Variants in PLXDC2 observed in about 807,000 individuals in gnomAD.
The protein encoded by PLXDC2 is plexin domain containing 2.
In PLXDC2, 40 loss-of-function variants were observed where a neutral mutation model predicts 68.9. The ratio of observed to expected loss-of-function variants is 0.58; its 90% confidence interval spans 0.45 to 0.76. PLXDC2 has a LOEUF of 0.76. Ranked by LOEUF, PLXDC2 falls within the 30% of genes least tolerant of loss-of-function variation. PLXDC2 has a pLI of 0.00. For missense variants in PLXDC2, 644 were observed against 661.9 expected (o/e 0.97, Z 0.30); for synonymous variants, 243 against 234.2 (o/e 1.04, Z -0.34).
intron 3 of PLXDC2, among the ~76,000 whole-genome samples, chr10:20,047,296 G>A (rs1233428176): frequency 6.6e-6 from 1 of 152,056 alleles, no homozygotes; most frequent in African/African-American, 2.4e-5. Context: ...ATTCTAAATT[G>A]AGCTTTATCT....
chr10:20,103,109 G>T (rs1480408975), intron 4 of PLXDC2, among the ~76,000 whole-genome samples: 1 of 152,144 alleles, frequency 6.6e-6, no homozygotes, highest in African/African-American at 2.4e-5. Flanking sequence ...CAGAAATCTC[G>T]CCATCAGGGT....
chr10:19,989,823 C>G (rs780425880), intron 1 of PLXDC2, among the ~76,000 whole-genome samples: 3 of 148,342 alleles, frequency 2.0e-5, no homozygotes, highest in South Asian at 2.1e-4. Context: ...GATCTTGACT[C>G]ACTGCAACCT....
intron 2 of PLXDC2, among the ~76,000 whole-genome samples, chr10:20,012,439 T>G (rs560306398): frequency 2.7e-4 from 40 of 148,832 alleles, no homozygotes; most frequent in African/African-American, 9.6e-4. Context: ...TGACTCAGCC[T>G]CCTGAGGAGC....
At chr10:20,210,016 C>T (rs1047817565) in intron 9 of PLXDC2, among the ~76,000 whole-genome samples, 7 of 152,100 alleles carry the variant, frequency 4.6e-5, no homozygotes, top group African/African-American at 1.4e-4. Flanking sequence ...TCCCTCTGTT[C>T]AGGGTCCCTG....
At position 20,001,429 on chromosome 10, in the gene PLXDC2, A is replaced by G. The variant is rs114677738; in HGVS notation, c.113-346A>G. ...GGTTTCATCCTTTTGTTTGGATTCTAGCTTGCTTTCTCAGAACAGCTAGAG... is the reference window on the plus strand; with the variant it reads ...GGTTTCATCCTTTTGTTTGGATTCTGGCTTGCTTTCTCAGAACAGCTAGAG... On this transcript the variant is annotated intron_variant, in intron 1 of 13. Transcript: ENST00000377252. Among the ~76,000 whole-genome samples the G allele has an allele frequency of 6.3e-3, 957 of 152,286 alleles. 10 individuals are homozygous for G. The highest frequency in any genetic ancestry group is 0.022 in the African/African-American group (915 of 41,558).
intron 1 of PLXDC2, among the ~76,000 whole-genome samples, chr10:19,960,859 A>G (rs2131602472): frequency 6.6e-6 from 1 of 152,384 alleles, no homozygotes; most frequent in Middle Eastern, 3.4e-3. Flanking sequence ...TGGCATACAA[A>G]TCATCAGTGT....
intron 2 of PLXDC2, among the ~76,000 whole-genome samples, chr10:20,004,926 G>A (rs1835002321): frequency 6.6e-6 from 1 of 152,176 alleles, no homozygotes; most frequent in Admixed American, 6.5e-5. Flanking sequence ...TACTCACCCA[G>A]GGCTAAGAGC....
intron 4 of PLXDC2, among the ~76,000 whole-genome samples, chr10:20,089,806 G>A (rs961552800): frequency 2.6e-5 from 4 of 152,214 alleles, no homozygotes; most frequent in Non-Finnish European, 4.4e-5. Flanking sequence ...GAGAGCCCAA[G>A]AGAGAATAAT....
chr10:20,239,588 C>T (rs1588537169), intron 12 of PLXDC2, among the ~76,000 whole-genome samples: 1 of 152,224 alleles, frequency 6.6e-6, no homozygotes, highest in African/African-American at 2.4e-5. Flanking sequence ...GAAACCACAC[C>T]CATGATCCAA....
Position 20,044,207 on chromosome 10 carries a change from CT to C in PLXDC2, c.325-2661del, listed in dbSNP as rs1835741279. Among the ~76,000 whole-genome samples the C allele has an allele frequency of 2.2e-5, 2 of 89,958 alleles. 1 individual carries two copies. Among genetic ancestry groups the C allele is most frequent in the East Asian group, 7.2e-4 (2 of 2,760 alleles). The allele number at this position is 89,958 out of a possible 152,430, so 59.0% of individuals were successfully genotyped here. A position where few individuals can be genotyped will look rare whatever the true frequency, so the allele number is the denominator to read the frequency against. On this transcript the variant is annotated intron_variant, in intron 2 of 13. Coordinates refer to ENST00000377252, the MANE Select transcript of PLXDC2 (RefSeq NM_032812.9). ...TTTCTTTCTTTCTCTCTCTCTCTCT[CT>C]CTGTCTTTCTTTCTTTCTTTCTTTC...
intron 1 of PLXDC2, among the ~76,000 whole-genome samples, chr10:19,838,735 A>G (rs1414382210): frequency 6.6e-6 from 1 of 152,254 alleles, no homozygotes; most frequent in Admixed American, 6.5e-5. Context: ...GGGAATAAAG[A>G]TAAATAAGTG....
At chr10:20,009,118 A>G (rs1241604108) in intron 2 of PLXDC2, among the ~76,000 whole-genome samples, 2 of 152,226 alleles carry the variant, frequency 1.3e-5, no homozygotes, top group Admixed American at 1.3e-4. Flanking sequence ...TCTGACAGTT[A>G]CAATAATGAA....
intron 1 of PLXDC2, 53 bp downstream of exon 1, chr10:19,817,244 C>G: frequency 5.0e-6 from 7 of 1,410,934 alleles, no homozygotes; most frequent in Non-Finnish European, 5.9e-6. Flanking sequence ...GAAGACCTCT[C>G]TGGCACTCTC....
At chr10:19,987,613 G>C (rs149063338) in intron 1 of PLXDC2, among the ~76,000 whole-genome samples, 11,916 of 151,436 alleles carry the variant, frequency 0.079, 571 homozygotes, top group African/African-American at 0.11. Context: ...CCAGGCTGGA[G>C]TGCAGTGGCG....
intron 1 of PLXDC2, among the ~76,000 whole-genome samples, chr10:19,995,207 T>C (rs557822494): frequency 2.0e-4 from 30 of 152,124 alleles, no homozygotes; most frequent in Middle Eastern, 3.4e-3. Flanking sequence ...GCTGGTGAGA[T>C]TCACAAGACT....
chr10:20,092,872 A>AG (rs1833298487), intron 4 of PLXDC2, among the ~76,000 whole-genome samples: 1 of 152,056 alleles, frequency 6.6e-6, no homozygotes, highest in Admixed American at 6.6e-5. Flanking sequence ...CCACAAGTCA[A>AG]GGGATGCCAG....
Position 20,177,021 on chromosome 10 carries a change from T to C in PLXDC2, c.906T>C (p.Tyr302=). The change falls in exon 8 of 14, where the codon TAT becomes TAC. Residue 302 remains tyrosine, a synonymous_variant. Coordinates refer to ENST00000377252, the MANE Select transcript of PLXDC2 (RefSeq NM_032812.9). ...TAGATGTTCGAAGAAGAACAATTTA[T>C]GAATACCACCGAGTAGAGCTACAAA... ...QIPNVRRRTI[Y]EYHRVELQMS... is the part of the protein sequence containing the mutation. The C allele has an allele frequency of 1.2e-6, 2 of 1,610,218 alleles. No homozygotes were observed. The highest frequency in any genetic ancestry group is 8.5e-7 in the Non-Finnish European group (1 of 1,178,372).
At position 20,088,787 on chromosome 10, in the gene PLXDC2, A is replaced by G. The variant is rs192025247; in HGVS notation, c.541+20548A>G. Among the ~76,000 whole-genome samples, 409 of 152,350 alleles carry G rather than the reference A, an allele frequency of 2.7e-3. 2 individuals are homozygous for G. Among genetic ancestry groups the G allele is most frequent in the African/African-American group, 9.1e-3 (380 of 41,572 alleles). ...CTTAAAAAATATTATGAGGATTAAT[A>G]TTATACTTTAAGTGCCTAGAGCAGT... On this transcript the variant is annotated intron_variant, in intron 4 of 13. Coordinates refer to ENST00000377252, the MANE Select transcript of PLXDC2 (RefSeq NM_032812.9).
At chr10:20,127,699 A>C (rs558393311) in intron 4 of PLXDC2, among the ~76,000 whole-genome samples, 3 of 152,302 alleles carry the variant, frequency 2.0e-5, no homozygotes, top group South Asian at 2.1e-4. Context: ...TTAGAAAAGA[A>C]AGAGAGAAAA....
Sources: allele counts gnomAD v4.1 joint callset (sites outside exome capture counted in the v4.1 genomes callset), GRCh38; gene constraint gnomAD v4.1.1; transcripts MANE v1.5; gene names NCBI Gene and HGNC (gene_info 2026-07-23, HGNC 2026-07-21).